The following AGMO variants were observed in gnomAD, a reference collection of about 807,000 sequenced individuals.
The protein encoded by AGMO is glyceryl-ether monooxygenase.
Under a neutral mutation model 60.2 loss-of-function variants are expected in AGMO, and 75 were observed. The observed-to-expected ratio is 1.25, with a 90% CI of 1.03 to 1.51. The LOEUF (loss-of-function observed/expected upper bound fraction) is 1.51, where lower values mean the gene tolerates loss of function less well. Ranked by LOEUF, AGMO falls within the 40% of genes most tolerant of loss-of-function variation. The pLI is 0.00. For missense variants in AGMO, 763 were observed against 525.5 expected (o/e 1.45, Z -4.42); for synonymous variants, 261 against 177.1 (o/e 1.47, Z -3.76).
At chr7:15,357,686 G>A (rs1011213892) in intron 12 of AGMO, among the ~76,000 whole-genome samples, 1 of 152,194 alleles carries the variant, frequency 6.6e-6, no homozygotes, top group Non-Finnish European at 1.5e-5. Flanking sequence ...GCCCACTAGA[G>A]GGTGAGAGGC....
At chr7:15,275,946 C>T (rs1421711668) in intron 12 of AGMO, among the ~76,000 whole-genome samples, 1 of 151,930 alleles carries the variant, frequency 6.6e-6, no homozygotes, top group Admixed American at 6.6e-5. Flanking sequence ...TAGTTTCTTG[C>T]TTGCAGCAAA....
chr7:15,466,645 G>A (rs1460898839), intron 3 of AGMO, among the ~76,000 whole-genome samples: 2 of 152,130 alleles, frequency 1.3e-5, no homozygotes, highest in Non-Finnish European at 2.9e-5. Flanking sequence ...TATGAGCTGG[G>A]TGACATTGAA....
intron 12 of AGMO, among the ~76,000 whole-genome samples, chr7:15,256,397 C>T (rs539069450): frequency 3.3e-5 from 5 of 152,168 alleles, no homozygotes; most frequent in Admixed American, 6.5e-5. Context: ...GGCTGGAGTA[C>T]GGTGGCGCAA....
intron 3 of AGMO, among the ~76,000 whole-genome samples, chr7:15,471,208 T>A (rs1288408715): frequency 6.6e-6 from 1 of 151,958 alleles, no homozygotes; most frequent in Non-Finnish European, 1.5e-5. Flanking sequence ...ACTGGTATGA[T>A]CTCACAACTC....
At chr7:15,460,106 C>CTTTTTTTTTTTTTTTTT (rs67388173) in intron 3 of AGMO, among the ~76,000 whole-genome samples, 1 of 121,704 alleles carries the variant, frequency 8.2e-6, no homozygotes, top group Non-Finnish European at 1.7e-5. Context: ...CCAATTTCCC[C>CTTTTTTTTTTTTTTTTT]TTTTTTTTTT....
At chr7:15,394,882 C>T (rs138498444) in intron 5 of AGMO, among the ~76,000 whole-genome samples, 8 of 152,276 alleles carry the variant, frequency 5.3e-5, no homozygotes, top group African/African-American at 1.4e-4. Context: ...TATAAAAAGG[C>T]CTTTTTTCAC....
chr7:15,358,889 A>T (rs1782644983), intron 12 of AGMO, among the ~76,000 whole-genome samples: 1 of 152,200 alleles, frequency 6.6e-6, no homozygotes, highest in Non-Finnish European at 1.5e-5. Context: ...TTTAAAATAA[A>T]GCAGGGGTTG....
chr7:15,168,281 C>A, the AGMO span, among the ~76,000 whole-genome samples: 1 of 151,808 alleles, frequency 6.6e-6, no homozygotes, highest in Non-Finnish European at 1.5e-5. Flanking sequence ...GTCTCAGGCC[C>A]TAATAAGCTA....
At chr7:15,212,436 G>A (rs964721404) in intron 12 of AGMO, among the ~76,000 whole-genome samples, 1 of 151,828 alleles carries the variant, frequency 6.6e-6, no homozygotes, top group African/African-American at 2.4e-5. Flanking sequence ...TGTTACTGGT[G>A]AGTAATACGG....
intron 12 of AGMO, among the ~76,000 whole-genome samples, chr7:15,323,720 T>C (rs1019099397): frequency 2.6e-5 from 4 of 152,232 alleles, no homozygotes; most frequent in Non-Finnish European, 4.4e-5. Flanking sequence ...GACTGCCTCC[T>C]GACTCTGGGC....
the AGMO span, among the ~76,000 whole-genome samples, chr7:15,141,935 G>A: frequency 2.6e-5 from 4 of 152,094 alleles, no homozygotes; most frequent in African/African-American, 9.7e-5. Context: ...ATTAAGAAAG[G>A]TCACTTCAGC....
At chr7:15,423,207 C>T (rs1780971243) in intron 4 of AGMO, among the ~76,000 whole-genome samples, 2 of 152,020 alleles carry the variant, frequency 1.3e-5, no homozygotes, top group African/African-American at 4.8e-5. Context: ...AAAAAATGTT[C>T]ATCCGAATTC....
At chr7:15,330,532 G>A (rs2128544119) in intron 12 of AGMO, among the ~76,000 whole-genome samples, 1 of 152,242 alleles carries the variant, frequency 6.6e-6, no homozygotes, top group African/African-American at 2.4e-5. Context: ...TTACTAGAAA[G>A]TTTTGAGATT....
chr7:15,216,833 A>AGTGTGTGT (rs1181410197), intron 12 of AGMO, among the ~76,000 whole-genome samples: 19,453 of 146,922 alleles, frequency 0.13, 1,291 homozygotes, highest in South Asian at 0.17. Context: ...TGAAAGAAAA[A>AGTGTGTGT]GTGTGTGTGT....
intron 3 of AGMO, among the ~76,000 whole-genome samples, chr7:15,526,868 C>G (rs1430622018): frequency 6.6e-6 from 1 of 152,132 alleles, no homozygotes; most frequent in Admixed American, 6.5e-5. Flanking sequence ...ATATTTCAAA[C>G]TTTTTCATTA....
At position 15,217,678 on chromosome 7, in the gene AGMO, A is replaced by G. The variant is rs574182857; in HGVS notation, c.1264-16319T>C. Among the ~76,000 whole-genome samples the G allele has an allele frequency of 2.6e-5, 4 of 152,190 alleles. No individual in the cohort carries two copies. In the East Asian group the frequency reaches 7.7e-4, roughly 29 times the overall value. ...GCAAATAAAACTAATCACTCAGAAG[A>G]AAATAATGCAAGATGAAAATAAATA... On this transcript the variant is annotated intron_variant, in intron 12 of 12. Coordinates refer to ENST00000342526, the MANE Select transcript of AGMO (RefSeq NM_001004320.2).
chr7:15,481,834 C>A (rs1309667481), intron 3 of AGMO, among the ~76,000 whole-genome samples: 2 of 107,538 alleles, frequency 1.9e-5, no homozygotes, highest in African/African-American at 3.7e-5. Context: ...TAATGCATTT[C>A]AAAAGATGGA....
intron 12 of AGMO, among the ~76,000 whole-genome samples, chr7:15,263,896 A>T (rs1376258875): frequency 6.6e-6 from 1 of 152,010 alleles, no homozygotes; most frequent in African/African-American, 2.4e-5. Context: ...GATACATTAG[A>T]CTTTGAAGAC....
intron 3 of AGMO, among the ~76,000 whole-genome samples, chr7:15,516,327 T>A (rs1783805985): frequency 1.3e-5 from 2 of 152,132 alleles, no homozygotes; most frequent in African/African-American, 4.8e-5. Flanking sequence ...AAATGATTCA[T>A]TTCTATTTTA....
Sources: gnomAD v4.1 joint callset for allele counts (sites outside exome capture counted in the v4.1 genomes callset) on GRCh38, gnomAD v4.1.1 for gene constraint, MANE v1.5 for transcripts, NCBI Gene and HGNC (gene_info 2026-07-23, HGNC 2026-07-21) for gene names.